USP29: variants seen among roughly 807,000 people sequenced by gnomAD.
The protein encoded by USP29 is ubiquitin carboxyl-terminal hydrolase 29.
For synonymous variants in USP29, 386 were observed against 387.4 expected (o/e 1.00, Z 0.04); for missense variants, 1,102 against 1,069.0 (o/e 1.03, Z -0.43).
In USP29 at chr19:57,130,853, A is replaced by C; in HGVS notation, c.2178A>C (p.Gly726=). ...GTAAAGAAAACAGGATTCCAGAAGGATCTCAAGGAATGGCTGAACAGCTCC... is the reference window on the plus strand; with the variant it reads ...GTAAAGAAAACAGGATTCCAGAAGGCTCTCAAGGAATGGCTGAACAGCTCC... The part of the protein sequence containing the change: ...YDCKENRIPE[G]SQGMAEQLQQ... Residue 726 remains glycine (G), a synonymous_variant, in exon 4 of 4, where the codon GGA becomes GGC. Transcript: ENST00000254181. 1 of 1,614,214 alleles carries C rather than the reference A, an allele frequency of 6.2e-7. No homozygotes were observed. The highest frequency in any genetic ancestry group is 8.5e-7 in the Non-Finnish European group (1 of 1,180,030).
intron 1 of USP29, 122 bp from the exon 2 acceptor site, chr19:57,122,203 A>C (rs2086801271): frequency 1.3e-5 from 2 of 152,214 alleles, no homozygotes; most frequent in South Asian, 4.1e-4. Context: ...TCTTACACAG[A>C]GATAAGTTAA....
intron 2 of USP29, among the ~76,000 whole-genome samples, chr19:57,122,780 G>T (rs1318023957): frequency 6.6e-6 from 1 of 152,062 alleles, no homozygotes; most frequent in Non-Finnish European, 1.5e-5. Context: ...AAATGAAAAT[G>T]ATGAAGCCTA....
Position 57,128,452 on chromosome 19 carries a change from T to C in USP29, c.-16-208T>C, listed in dbSNP as rs146769971. 4.0e-4 allele frequency among the ~76,000 whole-genome samples: 61 copies of C among 152,300 alleles called. 2 individuals are homozygous for C. The highest frequency in any genetic ancestry group is 1.4e-3 in the African/African-American group (58 of 41,562). On this transcript the variant is annotated intron_variant, in intron 3 of 3. Coordinates refer to ENST00000254181, the MANE Select transcript of USP29 (RefSeq NM_020903.3). ...GGCCATTTGTATATTCTTTCTCGCC[T>C]AACAGCTCCCTTGAAAATGCGTGTG... is the stretch of plus-strand genomic sequence containing the variant.
chr19:57,122,583 G>C (rs919582680), intron 2 of USP29, 109 bp downstream of exon 2: 1 of 151,568 alleles, frequency 6.6e-6, no homozygotes, highest in Non-Finnish European at 1.5e-5. Context: ...TGGAAGGAGG[G>C]TCTGTCTAAA....
Position 57,131,107 on chromosome 19 carries a change from C to T in USP29, c.2432C>T (p.Thr811Ile), listed in dbSNP as rs267605722. 6.2e-7 allele frequency: 1 copy of T among 1,614,170 alleles called. No individual in the cohort carries two copies. The highest frequency in any genetic ancestry group is 8.5e-7 in the Non-Finnish European group (1 of 1,180,032). The change falls in exon 4 of 4, where the codon ACA (threonine) becomes ATA (isoleucine). Residue 811 changes from threonine to isoleucine, a missense_variant. Coordinates refer to ENST00000254181, the MANE Select transcript of USP29 (RefSeq NM_020903.3). ...ENTRGEAKEL[T>I]RNVKMGDPLQ... is the part of the protein sequence containing the mutation. Reference sequence around the variant, plus strand: ...ACAAGAGGTGAAGCCAAGGAACTAACAAGAAACGTGAAGATGGGGGATCCT... The same window carrying T: ...ACAAGAGGTGAAGCCAAGGAACTAATAAGAAACGTGAAGATGGGGGATCCT...
At position 57,123,354 on chromosome 19, in the gene USP29, A is replaced by G. The variant is rs570198085; in HGVS notation, c.-117-685A>G. ...CCATGATGGAGCCTTAATTTTCTCT[A>G]TATGAGGCATCCCTGTAGTTTAATA... On this transcript the variant is annotated intron_variant, in intron 2 of 3. Coordinates refer to ENST00000254181, the MANE Select transcript of USP29 (RefSeq NM_020903.3). Among the ~76,000 whole-genome samples, 5 of 152,360 alleles carry G rather than the reference A, an allele frequency of 3.3e-5. No homozygotes were observed. In the South Asian group the frequency reaches 1.0e-3, roughly 32 times the overall value.
Position 57,130,278 on chromosome 19 carries a change from T to G in USP29, c.1603T>G (p.Leu535Val). Reference protein sequence around the residue: ...NNEQVYIPKSLSLSSYCNEST... With the variant: ...NNEQVYIPKSVSLSSYCNEST... ...CGAGCAAGTTTATATTCCCAAATCT[T>G]TAAGTTTATCTTCTTATTGCAATGA... Residue 535 changes from leucine to valine, a missense_variant, in exon 4 of 4, where the codon TTA becomes GTA. By Grantham distance (32) the Leu-to-Val change is conservative. Coordinates refer to ENST00000254181, the MANE Select transcript of USP29 (RefSeq NM_020903.3). 6.2e-7 allele frequency: 1 copy of G among 1,614,070 alleles called. No individual in the cohort carries two copies. The highest frequency in any genetic ancestry group is 8.5e-7 in the Non-Finnish European group (1 of 1,180,002).
intron 1 of USP29, among the ~76,000 whole-genome samples, chr19:57,121,952 AATAG>A (rs35338518): frequency 0.67 from 100,191 of 148,928 alleles, 34,220 homozygotes; most frequent in East Asian, 0.93. Context: ...TCTATTAAAA[AATAG>A]ATAGATAGAT....
chr19:57,129,994 C>T lies in USP29; in HGVS notation c.1319C>T (p.Ala440Val). ...FELQLSLICK[A>V]CGHAVLKVEP... The stretch of plus-strand genomic sequence containing the variant: ...TTGCAGCTCTCCCTTATTTGTAAAG[C>T]TTGTGGTCATGCTGTTCTCAAGGTA... Residue 440 changes from alanine (A) to valine (V), a missense_variant, in exon 4 of 4, where the codon GCT becomes GTT. By Grantham distance (64) the Ala-to-Val change is moderately conservative (BLOSUM62 0). Transcript: ENST00000254181. 1 of 1,614,158 alleles carries T rather than the reference C, an allele frequency of 6.2e-7. No homozygotes were observed. Among genetic ancestry groups the T allele is most frequent in the South Asian group, 1.1e-5 (1 of 91,082 alleles).
chr19:57,130,793 C>G lies in USP29; in HGVS notation c.2118C>G (p.Asp706Glu). 1 of 1,614,158 alleles carries G rather than the reference C, an allele frequency of 6.2e-7. No individual in the cohort carries two copies. Among genetic ancestry groups the G allele is most frequent in the South Asian group, 1.1e-5 (1 of 91,086 alleles). Residue 706 changes from aspartate to glutamate, a missense_variant, in exon 4 of 4, where the codon GAC (aspartate) becomes GAG (glutamate). By Grantham distance (45) the Asp-to-Glu change is conservative. Coordinates refer to ENST00000254181, the MANE Select transcript of USP29 (RefSeq NM_020903.3). ...ATACATTCGTAGAGTTCAATTTTGA[C>G]AGTGTCACTGAGTCCACCAATGGCT... ...KTNTFVEFNF[D>E]SVTESTNGFY...
chr19:57,120,039 A>C lies in USP29; in HGVS notation c.-458A>C, dbSNP rs111970708. 1 of 152,486 alleles carries C rather than the reference A, an allele frequency of 6.6e-6. No homozygotes were observed. Among genetic ancestry groups the C allele is most frequent in the African/African-American group, 2.4e-5 (1 of 41,452 alleles). 9.4% of individuals were successfully genotyped at this position (152,486 alleles called of 1,614,324 possible). On this transcript the variant is annotated 5_prime_UTR_variant, in exon 1 of 4. Transcript: ENST00000254181. ...GTCGGCGCCGGAAGGGGCGGGTCCG[A>C]GCTGAGATTTCCAGAGCCATGGGAG...
At chr19:57,122,069 T>C (rs1017136596) in intron 1 of USP29, among the ~76,000 whole-genome samples, 23 of 152,300 alleles carry the variant, frequency 1.5e-4, no homozygotes, top group African/African-American at 5.5e-4. Flanking sequence ...ATATAAGTTA[T>C]TTCTACTAAT....
chr19:57,130,688 C>G lies in USP29; in HGVS notation c.2013C>G (p.Ser671Arg). ...ATGAAGATGGAGGGAAGCTGATCAGCAGCCCAGACACAAGGCTTGTCGAGG... is the reference window on the plus strand; with the variant it reads ...ATGAAGATGGAGGGAAGCTGATCAGGAGCCCAGACACAAGGCTTGTCGAGG... ...VMYEDGGKLI[S>R]SPDTRLVEVH... Residue 671 changes from serine (S) to arginine (R), a missense_variant, in exon 4 of 4, where the codon AGC becomes AGG. Transcript: ENST00000254181. The G allele has an allele frequency of 8.7e-6, 14 of 1,614,176 alleles. No homozygotes were observed. The highest frequency in any genetic ancestry group is 1.2e-5 in the Non-Finnish European group (14 of 1,180,042).
At chr19:57,121,357 C>A (rs34378601) in intron 1 of USP29, among the ~76,000 whole-genome samples, 79,101 of 125,844 alleles carry the variant, frequency 0.63, 25,077 homozygotes, top group East Asian at 0.92. Context: ...TATGTTATAT[C>A]TACTTATGTT....
intron 1 of USP29, among the ~76,000 whole-genome samples, chr19:57,121,176 A>C (rs1399344077): frequency 6.6e-6 from 1 of 151,368 alleles, no homozygotes; most frequent in Non-Finnish European, 1.5e-5. Flanking sequence ...ACTTTGGTCA[A>C]ACAGGGTAAC....
Position 57,131,045 on chromosome 19 carries a change from CA to C in USP29, c.2372del (p.Asn791ThrfsTer8). On this transcript the variant is annotated frameshift_variant, in exon 4 of 4. Transcript: ENST00000254181. LOFTEE classifies it low-confidence loss of function (END_TRUNC). The part of the protein sequence containing the change: ...LNHLGALGSD[N>X]PGNKNILDAE... The stretch of plus-strand genomic sequence containing the variant: ...ATCACCTTGGGGCACTGGGTTCTGA[CA>C]ACCCAGGAAACAAAAACATTTTAGA... The C allele has an allele frequency of 1.2e-6, 2 of 1,614,066 alleles. No homozygotes were observed. The highest frequency in any genetic ancestry group is 1.7e-6 in the Non-Finnish European group (2 of 1,179,982).
Position 57,128,947 on chromosome 19 carries a change from A to T in USP29, c.272A>T (p.Asp91Val). The T allele has an allele frequency of 6.2e-7, 1 of 1,614,114 alleles. No individual in the cohort carries two copies. Among genetic ancestry groups the T allele is most frequent in the Non-Finnish European group, 8.5e-7 (1 of 1,180,006 alleles). ...FLFIDKLSYRDAKQLNMFLDI... is the reference protein window; with the variant it reads ...FLFIDKLSYRVAKQLNMFLDI... ...TTTATTGACAAATTATCCTACAGAG[A>T]TGCTAAACAGTTGAATATGTTCCTG... is the stretch of plus-strand genomic sequence containing the variant. Residue 91 changes from aspartate (D) to valine (V), a missense_variant, in exon 4 of 4, where the codon GAT becomes GTT. Coordinates refer to ENST00000254181, the MANE Select transcript of USP29 (RefSeq NM_020903.3).
Position 57,129,899 on chromosome 19 carries a change from A to G in USP29, c.1224A>G (p.Pro408=), listed in dbSNP as rs1339895717. 3 of 1,614,218 alleles carry G rather than the reference A, an allele frequency of 1.9e-6. No individual in the cohort carries two copies. The highest frequency in any genetic ancestry group is 1.3e-5 in the African/African-American group (1 of 75,068). ...GKECGDENSS[P]QMHVGSAATK... ...AATGTGGGGATGAAAATTCATCTCCACAAATGCATGTTGGTAGTGCTGCCA... is the reference window on the plus strand; with the variant it reads ...AATGTGGGGATGAAAATTCATCTCCGCAAATGCATGTTGGTAGTGCTGCCA... The change falls in exon 4 of 4, where the codon CCA becomes CCG. Residue 408 remains proline, a synonymous_variant. Transcript: ENST00000254181.
intron 1 of USP29, among the ~76,000 whole-genome samples, chr19:57,120,656 G>A (rs2086789625): frequency 6.6e-6 from 1 of 151,314 alleles, no homozygotes; most frequent in Non-Finnish European, 1.5e-5. Flanking sequence ...CCATGATGGT[G>A]GGTGCCTGTA....
Sources: allele counts gnomAD v4.1 joint callset (sites outside exome capture counted in the v4.1 genomes callset), GRCh38; gene constraint gnomAD v4.1.1; transcripts MANE v1.5; gene names NCBI Gene and HGNC (gene_info 2026-07-23, HGNC 2026-07-21).